Variants in CCSER1 observed in about 807,000 individuals in gnomAD.
CCSER1 encodes coiled-coil serine rich protein 1.
Under a neutral mutation model 82.0 loss-of-function variants are expected in CCSER1, and 41 were observed. The ratio of observed to expected loss-of-function variants is 0.50; its 90% CI spans 0.39 to 0.65. CCSER1 has a LOEUF of 0.65. Among genes scored for constraint, CCSER1 ranks in the 30% least tolerant of loss-of-function variants. The pLI, the probability that CCSER1 is intolerant of heterozygous loss-of-function variation, is 0.00. For synonymous variants in CCSER1, 414 were observed against 383.9 expected, an observed-to-expected ratio of 1.08 and a Z score of -0.92; for missense variants, 1,119 against 1,064.2, an observed-to-expected ratio of 1.05 and a Z score of -0.72.
At chr4:91,223,903 T>C (rs1184385626) in intron 10 of CCSER1, among the ~76,000 whole-genome samples, 1 of 152,286 alleles carries the variant, frequency 6.6e-6, no homozygotes, top group Admixed American at 6.5e-5. Context: ...ACTTTGTCTA[T>C]GCAATGAAGT....
At chr4:90,329,545 A>G (rs1298818988) in intron 3 of CCSER1, among the ~76,000 whole-genome samples, 1 of 152,166 alleles carries the variant, frequency 6.6e-6, no homozygotes, top group Admixed American at 6.5e-5. Flanking sequence ...AGCCACAACT[A>G]AAAATTCCTA....
intron 8 of CCSER1, among the ~76,000 whole-genome samples, chr4:90,871,372 A>T (rs1766479706): frequency 6.6e-6 from 1 of 151,744 alleles, no homozygotes; most frequent in Non-Finnish European, 1.5e-5. Flanking sequence ...ATGTTGATCC[A>T]TGTTCATCTG....
At chr4:90,549,112 G>A (rs1280860757) in intron 5 of CCSER1, among the ~76,000 whole-genome samples, 2 of 152,152 alleles carry the variant, frequency 1.3e-5, no homozygotes, top group Admixed American at 6.5e-5. Context: ...ACAATAGTGT[G>A]AGCATTTTTC....
chr4:90,945,663 G>A (rs1341996642), intron 9 of CCSER1, among the ~76,000 whole-genome samples: 2 of 152,104 alleles, frequency 1.3e-5, no homozygotes, highest in African/African-American at 4.8e-5. Flanking sequence ...CACCTTTAGT[G>A]CCCGAACCGC....
intron 6 of CCSER1, among the ~76,000 whole-genome samples, chr4:90,636,144 A>G (rs1432815978): frequency 6.6e-6 from 1 of 152,012 alleles, no homozygotes; most frequent in Non-Finnish European, 1.5e-5. Flanking sequence ...GCAGACATCA[A>G]CATGATAATA....
chr4:91,439,627 T>C (rs1250733924), intron 10 of CCSER1, among the ~76,000 whole-genome samples: 1 of 151,086 alleles, frequency 6.6e-6, no homozygotes, highest in African/African-American at 2.4e-5. Flanking sequence ...TAACTTTAAA[T>C]GTAAAGGGAC....
At chr4:90,892,678 C>T (rs944791626) in intron 8 of CCSER1, among the ~76,000 whole-genome samples, 2 of 151,910 alleles carry the variant, frequency 1.3e-5, no homozygotes, top group African/African-American at 4.8e-5. Context: ...TGGTGTTTAA[C>T]AGTTATGTAG....
intron 4 of CCSER1, among the ~76,000 whole-genome samples, chr4:90,465,297 G>A (rs953701657): frequency 6.6e-5 from 10 of 150,404 alleles, no homozygotes; most frequent in African/African-American, 2.0e-4. Flanking sequence ...GAACCACCGC[G>A]CCCAGGCAGC....
chr4:91,331,869 C>G (rs1451830149), intron 10 of CCSER1, among the ~76,000 whole-genome samples: 1 of 152,066 alleles, frequency 6.6e-6, no homozygotes, highest in Non-Finnish European at 1.5e-5. Context: ...CTAAGTAGGC[C>G]AACTACAAGA....
At chr4:91,549,506 G>A (rs116109622) in intron 10 of CCSER1, among the ~76,000 whole-genome samples, 1,903 of 152,102 alleles carry the variant, frequency 0.013, 30 homozygotes, top group African/African-American at 0.041. Flanking sequence ...AAACTGTGGG[G>A]AGATGCGATG....
At chr4:90,375,090 T>C (rs1748095817) in intron 3 of CCSER1, among the ~76,000 whole-genome samples, 2 of 152,188 alleles carry the variant, frequency 1.3e-5, no homozygotes, top group African/African-American at 4.8e-5. Flanking sequence ...GATCTTAGTT[T>C]GGCAGCCTCA....
chr4:90,790,039 C>A (rs143322010), intron 7 of CCSER1, among the ~76,000 whole-genome samples: 1 of 152,152 alleles, frequency 6.6e-6, no homozygotes, highest in Non-Finnish European at 1.5e-5. Flanking sequence ...ACTCTCCCTT[C>A]TCATTTGCCT....
chr4:90,555,832 T>C lies in CCSER1; in HGVS notation c.1725-72193T>C, dbSNP rs1307187834. 1.3e-5 allele frequency among the ~76,000 whole-genome samples: 2 copies of C among 152,088 alleles called. 1 individual carries two copies. Among genetic ancestry groups the C allele is most frequent in the Admixed American group, 1.3e-4 (2 of 15,270 alleles). ...AGGAAATGATTTATATTCAAGGTCA[T>C]GAACATCATACATCTTAGATTTCAT... On this transcript the variant is annotated intron_variant, in intron 5 of 10. Transcript: ENST00000509176.
intron 10 of CCSER1, among the ~76,000 whole-genome samples, chr4:91,593,729 G>C (rs1410085613): frequency 6.6e-6 from 1 of 152,096 alleles, no homozygotes; most frequent in African/African-American, 2.4e-5. Flanking sequence ...TCTGTCAAAT[G>C]CCAAACAAGG....
chr4:91,281,684 T>A (rs1412239011), intron 10 of CCSER1, among the ~76,000 whole-genome samples: 1 of 152,226 alleles, frequency 6.6e-6, no homozygotes, highest in Non-Finnish European at 1.5e-5. Context: ...ACTTACTTAA[T>A]TGTGACTTTC....
chr4:90,550,928 A>T (rs1308888082), intron 5 of CCSER1, among the ~76,000 whole-genome samples: 2 of 152,254 alleles, frequency 1.3e-5, no homozygotes, highest in East Asian at 3.9e-4. Flanking sequence ...TATGAAATTC[A>T]TGCTACCGTC....
At chr4:91,521,209 T>C (rs1760450871) in intron 10 of CCSER1, among the ~76,000 whole-genome samples, 1 of 152,218 alleles carries the variant, frequency 6.6e-6, no homozygotes, top group Non-Finnish European at 1.5e-5. Flanking sequence ...GCAAAGGACA[T>C]GAACTCATCA....
At chr4:90,359,861 A>ATG (rs1745002113) in intron 3 of CCSER1, among the ~76,000 whole-genome samples, 1 of 149,244 alleles carries the variant, frequency 6.7e-6, no homozygotes, top group Non-Finnish European at 1.5e-5. Context: ...GTGTATATAT[A>ATG]TGTGTATATA....
At chr4:90,860,162 A>G (rs1580811840) in intron 8 of CCSER1, among the ~76,000 whole-genome samples, 1 of 151,198 alleles carries the variant, frequency 6.6e-6, no homozygotes, top group South Asian at 2.1e-4. Context: ...CAATAAAAAG[A>G]AAAATAACCT....
Sources: allele counts gnomAD v4.1 joint callset (sites outside exome capture counted in the v4.1 genomes callset), GRCh38; gene constraint gnomAD v4.1.1; transcripts MANE v1.5; gene names NCBI Gene and HGNC (gene_info 2026-07-23, HGNC 2026-07-21).